HS3ST5: variants seen among roughly 807,000 people sequenced by gnomAD.
HS3ST5 encodes heparan sulfate-glucosamine 3-sulfotransferase 5.
A neutral mutation model predicts 25.4 loss-of-function variants in HS3ST5; 10 were observed. The ratio of observed to expected loss-of-function variants is 0.39; its 90% CI spans 0.24 to 0.67. HS3ST5 has a LOEUF of 0.67. Among genes scored for constraint, HS3ST5 ranks in the 30% least tolerant of loss-of-function variants. The pLI is 0.44. For synonymous variants in HS3ST5, 170 were observed against 162.4 expected (o/e 1.05, Z -0.36); for missense variants, 324 against 420.7 (o/e 0.77, Z 2.01).
intron 1 of HS3ST5, among the ~76,000 whole-genome samples, chr6:114,250,011 G>A (rs933482280): frequency 7.9e-5 from 12 of 152,074 alleles, no homozygotes; most frequent in African/African-American, 2.9e-4. Context: ...TTTTAAGTGG[G>A]TAAATAACTA....
At position 114,055,934 on chromosome 6, in the gene HS3ST5, C is replaced by A. The variant is rs775040087; in HGVS notation, c.*1323G>T. The A allele has an allele frequency of 2.6e-5, 4 of 152,158 alleles. No individual in the cohort carries two copies. Among genetic ancestry groups the A allele is most frequent in the Non-Finnish European group, 4.4e-5 (3 of 68,030 alleles). The allele number at this position is 152,158 out of a possible 1,614,324, so 9.4% of individuals were successfully genotyped here. On this transcript the variant is annotated 3_prime_UTR_variant, in exon 5 of 5. Coordinates refer to ENST00000312719, the MANE Select transcript of HS3ST5 (RefSeq NM_153612.4). ...TAATTTCTCTGGATGGAAATATGAG[C>A]CATATGTTTATGTTAGTAATGGCAA... is the stretch of plus-strand genomic sequence containing the variant.
chr6:114,094,755 C>T (rs1306255600), intron 3 of HS3ST5, among the ~76,000 whole-genome samples: 2 of 152,160 alleles, frequency 1.3e-5, no homozygotes, highest in Non-Finnish European at 1.5e-5. Context: ...TTTGTATAAT[C>T]TCCTCCCCGT....
chr6:114,325,469 G>A (rs1044732871), intron 1 of HS3ST5, among the ~76,000 whole-genome samples: 1 of 152,152 alleles, frequency 6.6e-6, no homozygotes, highest in African/African-American at 2.4e-5. Context: ...ATTGTTAGGT[G>A]TCTGGAGAGA....
At chr6:114,277,947 G>A (rs987074867) in intron 1 of HS3ST5, among the ~76,000 whole-genome samples, 3 of 151,926 alleles carry the variant, frequency 2.0e-5, no homozygotes, top group African/African-American at 7.2e-5. Flanking sequence ...TTCCAAACAT[G>A]AAATGGTCAC....
At chr6:114,159,811 C>T (rs1265315429) in intron 3 of HS3ST5, among the ~76,000 whole-genome samples, 1 of 152,166 alleles carries the variant, frequency 6.6e-6, no homozygotes, top group African/African-American at 2.4e-5. Flanking sequence ...TGCCTTGAAT[C>T]TTAATTCTGC....
intron 1 of HS3ST5, among the ~76,000 whole-genome samples, chr6:114,259,063 A>G (rs1773055074): frequency 6.6e-6 from 1 of 152,186 alleles, no homozygotes; most frequent in Non-Finnish European, 1.5e-5. Flanking sequence ...ACCAGTAGTA[A>G]TGGTTAATGT....
At chr6:114,287,771 T>C (rs1774402128) in intron 1 of HS3ST5, among the ~76,000 whole-genome samples, 1 of 151,990 alleles carries the variant, frequency 6.6e-6, no homozygotes, top group South Asian at 2.1e-4. Context: ...AACCGACCAA[T>C]GGTCTGATCA....
intron 1 of HS3ST5, among the ~76,000 whole-genome samples, chr6:114,273,436 A>G (rs1218024528): frequency 6.6e-6 from 1 of 152,082 alleles, no homozygotes; most frequent in Non-Finnish European, 1.5e-5. Flanking sequence ...GGTGAGGTCC[A>G]GGTGAAAATT....
At chr6:114,235,362 A>C (rs559762540) in intron 1 of HS3ST5, among the ~76,000 whole-genome samples, 1 of 152,000 alleles carries the variant, frequency 6.6e-6, no homozygotes, top group East Asian at 1.9e-4. Flanking sequence ...CAAAAGAAAT[A>C]ATATTGTATG....
chr6:114,170,753 A>C (rs1406352347), intron 2 of HS3ST5, among the ~76,000 whole-genome samples: 1 of 152,172 alleles, frequency 6.6e-6, no homozygotes, highest in Non-Finnish European at 1.5e-5. Flanking sequence ...TCAGGATGAT[A>C]AATCTCAAGT....
chr6:114,115,231 T>G (rs1407542693), intron 3 of HS3ST5, among the ~76,000 whole-genome samples: 2 of 151,956 alleles, frequency 1.3e-5, no homozygotes, highest in African/African-American at 4.8e-5. Context: ...CTGAAGATAA[T>G]TTTTTTTAAT....
At chr6:114,114,895 T>A (rs1013351196) in intron 3 of HS3ST5, among the ~76,000 whole-genome samples, 1 of 152,168 alleles carries the variant, frequency 6.6e-6, no homozygotes, top group Non-Finnish European at 1.5e-5. Context: ...ACAAAGGTTA[T>A]GTGATTTCAT....
chr6:114,327,972 T>C (rs1776237740), intron 1 of HS3ST5, among the ~76,000 whole-genome samples: 1 of 152,102 alleles, frequency 6.6e-6, no homozygotes, highest in Non-Finnish European at 1.5e-5. Context: ...TCCATCAGTA[T>C]AGGCTCACAC....
chr6:114,336,960 T>G (rs951510707), intron 1 of HS3ST5, among the ~76,000 whole-genome samples: 12 of 152,324 alleles, frequency 7.9e-5, no homozygotes, highest in African/African-American at 2.6e-4. Context: ...ATTCTGTTAC[T>G]TCATGTTAAT....
chr6:114,145,018 A>G (rs1778084731), intron 3 of HS3ST5, among the ~76,000 whole-genome samples: 1 of 152,138 alleles, frequency 6.6e-6, no homozygotes, highest in Non-Finnish European at 1.5e-5. Flanking sequence ...GCTCACGGAA[A>G]TTACTCTCAC....
intron 1 of HS3ST5, among the ~76,000 whole-genome samples, chr6:114,268,213 C>T (rs1400648534): frequency 6.6e-6 from 1 of 152,158 alleles, no homozygotes; most frequent in Non-Finnish European, 1.5e-5. Flanking sequence ...TCCACTCCTC[C>T]ACAATGCAGT....
chr6:114,235,230 C>A (rs938212673), intron 1 of HS3ST5, among the ~76,000 whole-genome samples: 3 of 152,130 alleles, frequency 2.0e-5, no homozygotes, highest in Non-Finnish European at 4.4e-5. Context: ...TCCAATACTG[C>A]ATAAAATGGT....
At chr6:114,303,069 G>A (rs371395371) in intron 1 of HS3ST5, among the ~76,000 whole-genome samples, 15 of 152,078 alleles carry the variant, frequency 9.9e-5, no homozygotes, top group East Asian at 3.8e-4. Context: ...AATCCATGAC[G>A]GAGACTGGCA....
intron 1 of HS3ST5, among the ~76,000 whole-genome samples, chr6:114,247,791 A>G (rs1026059420): frequency 4.0e-5 from 6 of 151,296 alleles, no homozygotes; most frequent in African/African-American, 1.2e-4. Flanking sequence ...TAGATATCCC[A>G]GTCTATGTAA....
Sources: allele counts gnomAD v4.1 joint callset (sites outside exome capture counted in the v4.1 genomes callset), GRCh38; gene constraint gnomAD v4.1.1; transcripts MANE v1.5; gene names NCBI Gene and HGNC (gene_info 2026-07-23, HGNC 2026-07-21).